IL21R: variants seen among roughly 807,000 people sequenced by gnomAD.
The protein encoded by IL21R is interleukin 21 receptor, also known as interleukin-21 receptor.
A neutral mutation model predicts 41.3 loss-of-function variants in IL21R; 14 were observed. The observed-to-expected ratio is 0.34, with a 90% CI of 0.22 to 0.53. IL21R has a LOEUF of 0.53. Among genes scored for constraint, IL21R ranks in the 20% least tolerant of loss-of-function variants. IL21R has a pLI of 0.94. For synonymous variants in IL21R, 286 were observed against 287.6 expected (o/e 0.99, Z 0.05); for missense variants, 588 against 681.6 (o/e 0.86, Z 1.53).
intron 4 of IL21R, among the ~76,000 whole-genome samples, chr16:27,440,394 C>T (rs2087368610): frequency 6.6e-6 from 1 of 151,958 alleles, no homozygotes; most frequent in South Asian, 2.1e-4. Context: ...CCACTTCGGC[C>T]TCCTGAGTGG....
chr16:27,427,918 G>T (rs1406523609), intron 1 of IL21R, among the ~76,000 whole-genome samples: 3 of 152,182 alleles, frequency 2.0e-5, no homozygotes, highest in Non-Finnish European at 2.9e-5. Context: ...TTTGAGTAGT[G>T]ATGTTATTGC....
At position 27,449,235 on chromosome 16, in the gene IL21R, G is replaced by T; in HGVS notation, c.1569G>T (p.Trp523Cys). Residue 523 changes from tryptophan (W) to cysteine (C), a missense_variant, in exon 9 of 9, where the codon TGG becomes TGT. By Grantham distance (215) the Trp-to-Cys change is radical. Coordinates refer to ENST00000337929, the MANE Select transcript of IL21R (RefSeq NM_181078.3). ...CCCCCCGGAGCTACCTCCGCCAGTG[G>T]GTGGTCATTCCTCCGCCACTTTCGA... ...EGPPRSYLRQ[W>C]VVIPPPLSSP... 6.2e-7 allele frequency: 1 copy of T among 1,611,982 alleles called. No individual in the cohort carries two copies. The highest frequency in any genetic ancestry group is 8.5e-7 in the Non-Finnish European group (1 of 1,179,490).
intron 1 of IL21R, among the ~76,000 whole-genome samples, chr16:27,425,197 T>C (rs946086500): frequency 6.6e-6 from 1 of 152,098 alleles, no homozygotes; most frequent in African/African-American, 2.4e-5. Flanking sequence ...TCTGTCCTTG[T>C]AGGAAACACA....
At chr16:27,437,791 T>A in intron 4 of IL21R, 104 bp downstream of exon 4, 1 of 880,476 alleles carries the variant, frequency 1.1e-6, no homozygotes, top group Non-Finnish European at 1.8e-6. Context: ...GCCTCCCGTG[T>A]AGCTGGGACA....
At chr16:27,437,716 G>A (rs3093343) in intron 4 of IL21R, 29 bp downstream of exon 4, 1 of 1,590,796 alleles carries the variant, frequency 6.3e-7, no homozygotes, top group African/African-American at 1.3e-5. Flanking sequence ...CAGGCTTAGG[G>A]TGGCACTCAA....
intron 1 of IL21R, among the ~76,000 whole-genome samples, chr16:27,427,793 G>A (rs927089135): frequency 1.3e-5 from 2 of 152,094 alleles, no homozygotes; most frequent in African/African-American, 2.4e-5. Context: ...CCCCTCCTGC[G>A]ATCAGAGGCC....
At chr16:27,423,978 C>T (rs1019015192) in intron 1 of IL21R, among the ~76,000 whole-genome samples, 11 of 152,218 alleles carry the variant, frequency 7.2e-5, no homozygotes, top group Non-Finnish European at 1.5e-4. Flanking sequence ...TATATCATAT[C>T]CTGAGCAATA....
In IL21R at chr16:27,450,882, G is replaced by C. The variant is rs947098573; in HGVS notation, c.*1599G>C. 12 of 233,282 alleles carry C rather than the reference G, an allele frequency of 5.1e-5. 1 individual carries two copies. In the Admixed American group the frequency reaches 6.2e-4, roughly 12 times the overall value. 14.5% of individuals were successfully genotyped at this position (233,282 alleles called of 1,614,324 possible). ...CACCCATGCTTTTGCAACAGGGTCG[G>C]GTTGGAAGTCAGCACAGGTCAGTCC... is the stretch of plus-strand genomic sequence containing the variant. On this transcript the variant is annotated 3_prime_UTR_variant, in exon 9 of 9. Coordinates refer to ENST00000337929, the MANE Select transcript of IL21R (RefSeq NM_181078.3).
chr16:27,414,556 C>T (rs1047193527), intron 1 of IL21R, among the ~76,000 whole-genome samples: 7 of 146,824 alleles, frequency 4.8e-5, no homozygotes, highest in Non-Finnish European at 1.1e-4. Flanking sequence ...TTATTTCAGA[C>T]ATCAATGAAA....
At chr16:27,446,848 G>A (rs532276878) in intron 8 of IL21R, among the ~76,000 whole-genome samples, 1 of 152,340 alleles carries the variant, frequency 6.6e-6, no homozygotes, top group East Asian at 1.9e-4. Context: ...GGTTGTCTGT[G>A]CCCATTTACA....
intron 2 of IL21R, among the ~76,000 whole-genome samples, chr16:27,431,551 G>A (rs978718579): frequency 2.6e-5 from 4 of 152,172 alleles, no homozygotes; most frequent in South Asian, 2.1e-4. Context: ...GTGAGACTGG[G>A]TAATTTATAA....
intron 4 of IL21R, among the ~76,000 whole-genome samples, chr16:27,441,000 G>C (rs2087378029): frequency 7.3e-6 from 1 of 137,352 alleles, no homozygotes; most frequent in South Asian, 2.4e-4. Context: ...GCAGTGAGCT[G>C]AGATCACGCC....
At chr16:27,414,854 T>C (rs1656424548) in intron 1 of IL21R, among the ~76,000 whole-genome samples, 1 of 152,172 alleles carries the variant, frequency 6.6e-6, no homozygotes. Context: ...GTTCAAACTT[T>C]TTTCTGCACC....
chr16:27,415,120 C>T (rs1318566052), intron 1 of IL21R, among the ~76,000 whole-genome samples: 1 of 152,040 alleles, frequency 6.6e-6, no homozygotes, highest in Non-Finnish European at 1.5e-5. Flanking sequence ...TTGTTCATGC[C>T]CTAATTGAAG....
chr16:27,414,798 C>T (rs963700100), intron 1 of IL21R, among the ~76,000 whole-genome samples: 1 of 152,048 alleles, frequency 6.6e-6, no homozygotes, highest in Non-Finnish European at 1.5e-5. Context: ...ATGAATTCTT[C>T]CAAAAGTTCA....
chr16:27,432,788 C>T (rs1188894026), intron 2 of IL21R, among the ~76,000 whole-genome samples: 1 of 152,222 alleles, frequency 6.6e-6, no homozygotes, highest in African/African-American at 2.4e-5. Context: ...ACTTCCATGA[C>T]TCAGATCCCT....
rs1438276338 is a variant in IL21R, at chr16:27,441,066, AG to A, written c.353-1895del. On this transcript the variant is annotated intron_variant, in intron 4 of 8. Transcript: ENST00000337929. ...TGTCTCAAAAAAAAAAAAAAAAAAA[AG>A]AAAGAAGAGAAAAAAGAAAGGGAGG... Among the ~76,000 whole-genome samples, 33 of 139,142 alleles carry A rather than the reference AG, an allele frequency of 2.4e-4. 1 individual carries two copies. The highest frequency in any genetic ancestry group is 9.3e-4 in the African/African-American group (33 of 35,434). The allele number at this position is 139,142 out of a possible 152,430, so 91.3% of individuals were successfully genotyped here. A position where few individuals can be genotyped will look rare whatever the true frequency, so the allele number is the denominator to read the frequency against.
In IL21R at chr16:27,448,713, C is replaced by G. The variant is rs2087530640; in HGVS notation, c.1047C>G (p.Pro349=). 1 of 1,613,352 alleles carries G rather than the reference C, an allele frequency of 6.2e-7. No homozygotes were observed. ...ELVESDGVPK[P]SFWPTAQNSG... ...TGGAGTCTGACGGTGTGCCCAAGCC[C>G]AGCTTCTGGCCGACAGCCCAGAACT... The change falls in exon 9 of 9, where the codon CCC becomes CCG. Residue 349 remains proline, a synonymous_variant. Coordinates refer to ENST00000337929, the MANE Select transcript of IL21R (RefSeq NM_181078.3).
intron 1 of IL21R, among the ~76,000 whole-genome samples, chr16:27,412,731 G>A (rs1284630536): frequency 6.6e-6 from 1 of 151,888 alleles, no homozygotes; most frequent in Admixed American, 6.6e-5. Context: ...TTCTCTTTTT[G>A]ATGCTATTGT....
Sources: gnomAD v4.1 joint callset for allele counts (sites outside exome capture counted in the v4.1 genomes callset) on GRCh38, gnomAD v4.1.1 for gene constraint, MANE v1.5 for transcripts, NCBI Gene and HGNC (gene_info 2026-07-23, HGNC 2026-07-21) for gene names.